MED13: variants seen among roughly 807,000 people sequenced by gnomAD.
MED13 encodes mediator complex subunit 13, also known as mediator of RNA polymerase II transcription subunit 13.
In MED13, 23 loss-of-function variants were observed where a neutral mutation model predicts 225.2. That is an observed-to-expected ratio of 0.10 (90% CI 0.07 to 0.14). MED13 has a LOEUF of 0.14. Ranked by LOEUF, MED13 falls within the 10% of genes least tolerant of loss-of-function variation. MED13 has a pLI of 1.00. For missense variants in MED13, 2,197 were observed against 2,594.5 expected (o/e 0.85, Z 3.33); for synonymous variants, 942 against 889.2 (o/e 1.06, Z -1.06).
At chr17:61,956,760 C>T (rs2079948911) in intron 23 of MED13, among the ~76,000 whole-genome samples, 1 of 152,032 alleles carries the variant, frequency 6.6e-6, no homozygotes, top group Non-Finnish European at 1.5e-5. Context: ...AGGATGGTCT[C>T]GAGCTCCTGA....
intron 17 of MED13, among the ~76,000 whole-genome samples, chr17:61,968,528 G>A (rs542000144): frequency 7.6e-4 from 115 of 152,174 alleles, no homozygotes; most frequent in African/African-American, 2.7e-3. Flanking sequence ...AGGTTTCACC[G>A]TGTTAGCCAG....
intron 8 of MED13, among the ~76,000 whole-genome samples, chr17:62,014,896 T>C (rs1009443341): frequency 6.6e-6 from 1 of 152,202 alleles, no homozygotes; most frequent in African/African-American, 2.4e-5. Flanking sequence ...TAGTATTGGA[T>C]AGCTCAGCTC....
rs1000938514 is a variant in MED13 at position 61,945,978 on chromosome 17, A to G, written c.*490T>C. The G allele has an allele frequency of 2.6e-5, 4 of 152,662 alleles. No individual in the cohort carries two copies. Among genetic ancestry groups the G allele is most frequent in the Non-Finnish European group, 5.9e-5 (4 of 68,080 alleles). The allele number at this position is 152,662 out of a possible 1,614,324, so 9.5% of individuals were successfully genotyped here. A position where few individuals can be genotyped will look rare whatever the true frequency, so the allele number is the denominator to read the frequency against. ...CCTTCTAGGAAAATTTTTATAAAAG[A>G]GGTTAAGAAATATAAGACAATTTAT... On this transcript the variant is annotated 3_prime_UTR_variant, in exon 30 of 30. Transcript: ENST00000397786.
chr17:62,001,324 A>C (rs1160046367), intron 9 of MED13, among the ~76,000 whole-genome samples: 1 of 152,156 alleles, frequency 6.6e-6, no homozygotes. Context: ...ACATTCATAC[A>C]TCCCTGCTAC....
At chr17:62,035,681 GGAA>G (rs2080796446) in intron 3 of MED13, 73 bp from the exon 4 acceptor site, 1 of 1,442,560 alleles carries the variant, frequency 6.9e-7, no homozygotes, top group Non-Finnish European at 9.2e-7. Flanking sequence ...TTCTTTATTA[GGAA>G]GTATGCAAAA....
intron 28 of MED13, among the ~76,000 whole-genome samples, chr17:61,947,706 C>T (rs943065792): frequency 1.3e-5 from 2 of 152,102 alleles, no homozygotes; most frequent in Non-Finnish European, 2.9e-5. Flanking sequence ...TTTGCCCACT[C>T]AATTTCATAA....
At chr17:62,041,884 C>A (rs1414241363) in intron 3 of MED13, among the ~76,000 whole-genome samples, 2 of 152,186 alleles carry the variant, frequency 1.3e-5, no homozygotes, top group African/African-American at 4.8e-5. Context: ...TGCCCAGCCT[C>A]CCCTAGCCAT....
At chr17:61,997,014 C>A (rs114372731) in intron 9 of MED13, among the ~76,000 whole-genome samples, 1 of 152,106 alleles carries the variant, frequency 6.6e-6, no homozygotes. Flanking sequence ...TTTTTACACA[C>A]TAGAAGGTAC....
intron 11 of MED13, among the ~76,000 whole-genome samples, chr17:61,987,886 G>C (rs1456497901): frequency 6.6e-6 from 1 of 151,880 alleles, no homozygotes; most frequent in Admixed American, 6.6e-5. Context: ...GGGACTACAG[G>C]CACGTGACCC....
rs749814425 is a variant in MED13 at position 61,965,402 on chromosome 17, G to C, written c.4448C>G (p.Thr1483Arg). The C allele has an allele frequency of 5.1e-5, 83 of 1,614,032 alleles. 1 individual carries two copies. The South Asian group carries it at 8.7e-4, about 17-fold the overall frequency. Residue 1483 changes from threonine (T) to arginine (R), a missense_variant, in exon 20 of 30, where the codon ACA becomes AGA. By Grantham distance (71) the Thr-to-Arg change is moderately conservative (BLOSUM62 -1). Transcript: ENST00000397786. Reference protein sequence around the residue: ...LLSQPNLVAPTSQSLITPPQM... With the variant: ...LLSQPNLVAPRSQSLITPPQM... ...AGGTGGAGTAATCAAAGACTGACTT[G>C]TAGGGGCAACTAAATTTGGCTGGGA...
intron 16 of MED13, among the ~76,000 whole-genome samples, chr17:61,976,399 G>C (rs993715577): frequency 2.6e-5 from 4 of 152,156 alleles, no homozygotes; most frequent in Non-Finnish European, 4.4e-5. Flanking sequence ...CTATAGCTAG[G>C]AAAGAAGGTT....
chr17:62,003,376 C>T (rs183189314), intron 9 of MED13, among the ~76,000 whole-genome samples: 81 of 152,144 alleles, frequency 5.3e-4, no homozygotes, highest in African/African-American at 1.9e-3. Context: ...GAGGCTGAGG[C>T]AGGTGGATCA....
chr17:62,039,297 T>C (rs983233405), intron 3 of MED13, among the ~76,000 whole-genome samples: 2 of 152,184 alleles, frequency 1.3e-5, no homozygotes, highest in East Asian at 3.9e-4. Context: ...ATTCTAAATA[T>C]GTGATACAAG....
chr17:62,010,728 T>C lies in MED13; in HGVS notation c.1789A>G (p.Thr597Ala). 1 of 1,612,680 alleles carries C rather than the reference T, an allele frequency of 6.2e-7. No homozygotes were observed. The change falls in exon 9 of 30, where the codon ACA becomes GCA. Residue 597 changes from threonine to alanine, a missense_variant. Thr to Ala is a moderately conservative substitution (Grantham distance 58, BLOSUM62 0). Around this residue, in one of 12 missense-constraint regions of MED13, gnomAD observed 884 missense variants for 918.5 expected, o/e 0.96. Transcript: ENST00000397786. The part of the protein sequence containing the change: ...PPQYQEAVEP[T>A]VYVGTAVNLE... ...TTTACTGCTGTACCAACATATACTG[T>C]AGGTTCTACAGCTTCCTGATATTGA...
chr17:61,960,211 T>C (rs750221624), intron 23 of MED13, among the ~76,000 whole-genome samples: 57 of 152,272 alleles, frequency 3.7e-4, no homozygotes, highest in Middle Eastern at 3.4e-3. Flanking sequence ...CGTAAATAAC[T>C]GGGCGTGATA....
chr17:61,954,726 G>A (rs942686450), intron 26 of MED13, among the ~76,000 whole-genome samples: 2 of 152,156 alleles, frequency 1.3e-5, no homozygotes, highest in Non-Finnish European at 2.9e-5. Flanking sequence ...ACAGTAGGCT[G>A]AGATCGTACC....
chr17:61,987,148 A>G lies in MED13; in HGVS notation c.2264-20T>C. 6.4e-7 allele frequency: 1 copy of G among 1,569,680 alleles called. No homozygotes were observed. Among genetic ancestry groups the G allele is most frequent in the African/African-American group, 1.4e-5 (1 of 72,388 alleles). ...GAGCATCTACAAAAGTCAATCAGAA[A>G]AATAAAATTAAAACTGCTACTACTA... is the stretch of plus-strand genomic sequence containing the variant. On this transcript the variant is annotated intron_variant, in intron 11 of 29. Transcript: ENST00000397786.
rs547167157 is a variant in MED13, at chr17:62,055,629, C to T, written c.302-2924G>A. Among the ~76,000 whole-genome samples the T allele has an allele frequency of 2.0e-5, 3 of 152,112 alleles. No individual in the cohort carries two copies. In the South Asian group the frequency reaches 6.2e-4, roughly 32 times the overall value. Reference sequence around the variant, plus strand: ...TCTGAGGTCAGGAGTTCAAGACCAGCCTGGCCAACATAGTGAAACCCCATC... The same window carrying T: ...TCTGAGGTCAGGAGTTCAAGACCAGTCTGGCCAACATAGTGAAACCCCATC... On this transcript the variant is annotated intron_variant, in intron 2 of 29. Coordinates refer to ENST00000397786, the MANE Select transcript of MED13 (RefSeq NM_005121.3).
intron 8 of MED13, among the ~76,000 whole-genome samples, chr17:62,011,814 T>C (rs1275586868): frequency 6.6e-6 from 1 of 152,094 alleles, no homozygotes; most frequent in Non-Finnish European, 1.5e-5. Context: ...ATAAACTGAC[T>C]AGAAAAGGGA....
Sources: allele counts gnomAD v4.1 joint callset (sites outside exome capture counted in the v4.1 genomes callset), GRCh38; gene constraint gnomAD v4.1.1; regional missense constraint gnomAD v4.1.1; transcripts MANE v1.5; gene names NCBI Gene and HGNC (gene_info 2026-07-23, HGNC 2026-07-21).